CNTN4: variants seen among roughly 807,000 people sequenced by gnomAD.
CNTN4 encodes the protein contactin 4.
A neutral mutation model predicts 122.5 loss-of-function variants in CNTN4; 77 were observed. The ratio of observed to expected loss-of-function variants is 0.63; its 90% confidence interval spans 0.52 to 0.76. The LOEUF (loss-of-function observed/expected upper bound fraction) is 0.76. Among genes scored for constraint, CNTN4 ranks in the 30% least tolerant of loss-of-function variants. The pLI is 0.00. For missense variants in CNTN4, 1,256 were observed against 1,259.1 expected (o/e 1.00, Z 0.04); for synonymous variants, 512 against 447.0 (o/e 1.15, Z -1.83).
At chr3:2,357,829 T>A (rs2150511183) in intron 3 of CNTN4, among the ~76,000 whole-genome samples, 1 of 152,374 alleles carries the variant, frequency 6.6e-6, no homozygotes, top group Non-Finnish European at 1.5e-5. Context: ...TTCTTAATCC[T>A]GTATGTATTT....
chr3:2,106,467 A>T (rs567807966), intron 2 of CNTN4, among the ~76,000 whole-genome samples: 1 of 152,210 alleles, frequency 6.6e-6, no homozygotes, highest in Non-Finnish European at 1.5e-5. Context: ...GCACACCCAC[A>T]GGACGAACAC....
chr3:2,283,255 C>G (rs943224900), intron 2 of CNTN4, among the ~76,000 whole-genome samples: 1 of 152,016 alleles, frequency 6.6e-6, no homozygotes, highest in African/African-American at 2.4e-5. Flanking sequence ...TTATGAAGAG[C>G]ATTGTAAGTC....
chr3:2,892,081 G>T (rs1346540473), intron 10 of CNTN4: 1 of 152,210 alleles, frequency 6.6e-6, no homozygotes, highest in Non-Finnish European at 1.5e-5. Flanking sequence ...GTCCCAAAGA[G>T]ATTAAAGTAA....
At chr3:2,866,575 G>T in intron 7 of CNTN4, 177 bp from the exon 8 acceptor site, 1 of 1,213,986 alleles carries the variant, frequency 8.2e-7, no homozygotes, top group Admixed American at 2.5e-5. Flanking sequence ...ACTGATAGTA[G>T]AAAGGCTGGT....
intron 2 of CNTN4, among the ~76,000 whole-genome samples, chr3:2,250,504 G>C (rs2040334207): frequency 6.6e-6 from 1 of 151,836 alleles, no homozygotes; most frequent in Non-Finnish European, 1.5e-5. Context: ...GACTGTAGTT[G>C]ATAATATATA....
At chr3:2,323,359 C>T (rs1043518606) in intron 2 of CNTN4, among the ~76,000 whole-genome samples, 10 of 152,082 alleles carry the variant, frequency 6.6e-5, no homozygotes, top group Admixed American at 2.6e-4. Flanking sequence ...AACGTTGTTG[C>T]GTGCCATGGT....
chr3:2,319,188 G>A (rs2043202657), intron 2 of CNTN4, among the ~76,000 whole-genome samples: 1 of 151,982 alleles, frequency 6.6e-6, no homozygotes, highest in Admixed American at 6.6e-5. Context: ...TAGGCTTTTA[G>A]CATCATCTCA....
chr3:2,705,993 A>C (rs1292844367), intron 4 of CNTN4, among the ~76,000 whole-genome samples: 2 of 137,660 alleles, frequency 1.5e-5, no homozygotes, highest in Non-Finnish European at 3.1e-5. Context: ...ATATAAAATA[A>C]ATATATAAAA....
chr3:3,024,455 G>A (rs3911919), intron 14 of CNTN4, among the ~76,000 whole-genome samples: 32,022 of 148,178 alleles, frequency 0.22, 3,938 homozygotes, highest in African/African-American at 0.32. Context: ...TCAATATAGC[G>A]GATTTTTATT....
chr3:2,180,007 G>A (rs1011512210), intron 2 of CNTN4, among the ~76,000 whole-genome samples: 3 of 150,836 alleles, frequency 2.0e-5, no homozygotes, highest in Non-Finnish European at 4.4e-5. Flanking sequence ...TCTCAATTCA[G>A]ATGAGCAACA....
intron 3 of CNTN4, among the ~76,000 whole-genome samples, chr3:2,569,746 C>T (rs904130225): frequency 3.3e-5 from 5 of 151,912 alleles, no homozygotes; most frequent in South Asian, 2.1e-4. Flanking sequence ...TGAGATCTCC[C>T]GGTTCCATAA....
chr3:2,686,977 G>A (rs1559387543), intron 4 of CNTN4, among the ~76,000 whole-genome samples: 1 of 152,162 alleles, frequency 6.6e-6, no homozygotes, highest in African/African-American at 2.4e-5. Context: ...AGGAATGAGA[G>A]CCAAGCTAAA....
chr3:2,176,745 A>G (rs916193147), intron 2 of CNTN4, among the ~76,000 whole-genome samples: 4 of 152,144 alleles, frequency 2.6e-5, no homozygotes, highest in Non-Finnish European at 4.4e-5. Context: ...AAGATATTTG[A>G]TATAGCTTAG....
At chr3:2,578,967 A>C (rs549461761) in intron 4 of CNTN4, among the ~76,000 whole-genome samples, 2 of 152,260 alleles carry the variant, frequency 1.3e-5, no homozygotes, top group African/African-American at 2.4e-5. Context: ...ATTTAAGTCC[A>C]TAGTGGGAAA....
chr3:2,402,658 A>C (rs1046702918), intron 3 of CNTN4, among the ~76,000 whole-genome samples: 2 of 151,882 alleles, frequency 1.3e-5, no homozygotes, highest in Non-Finnish European at 2.9e-5. Context: ...TTTTCCTTCT[A>C]TCTGTATTTT....
intron 3 of CNTN4, among the ~76,000 whole-genome samples, chr3:2,539,947 A>AT (rs986864018): frequency 6.6e-6 from 1 of 151,972 alleles, no homozygotes; most frequent in African/African-American, 2.4e-5. Context: ...AGTTATTCCA[A>AT]TTTTTTTCCA....
rs1014314918 is a variant in CNTN4, at chr3:3,043,080, T to C, written c.2615T>C (p.Leu872Pro). The change falls in exon 22 of 25, where the codon CTG (leucine) becomes CCG (proline). Residue 872 changes from leucine (L) to proline (P), a missense_variant. Coordinates refer to ENST00000418658, the MANE Select transcript of CNTN4 (RefSeq NM_175607.3). ...TKITNLKGSV[L>P]YHLAVKAYNS... ...ATCACGAACTTAAAAGGCAGTGTGCTGTATCACTTAGCTGTCAAGGCATAT... is the reference window on the plus strand; with the variant it reads ...ATCACGAACTTAAAAGGCAGTGTGCCGTATCACTTAGCTGTCAAGGCATAT... The C allele has an allele frequency of 3.1e-6, 5 of 1,614,096 alleles. No individual in the cohort carries two copies. In the African/African-American group the frequency reaches 5.3e-5, roughly 17 times the overall value.
At chr3:2,255,178 C>G (rs1445329507) in intron 2 of CNTN4, among the ~76,000 whole-genome samples, 1 of 152,114 alleles carries the variant, frequency 6.6e-6, no homozygotes, top group Non-Finnish European at 1.5e-5. Context: ...TCAGGTTAGT[C>G]AAAGTTCAGC....
At chr3:2,274,361 C>T (rs11129080) in intron 2 of CNTN4, among the ~76,000 whole-genome samples, 80,624 of 151,616 alleles carry the variant, frequency 0.53, 22,162 homozygotes, top group South Asian at 0.68. Flanking sequence ...CCAGCCTGGA[C>T]GACAGAGAGA....
Sources: allele counts gnomAD v4.1 joint callset (sites outside exome capture counted in the v4.1 genomes callset), GRCh38; gene constraint gnomAD v4.1.1; transcripts MANE v1.5; gene names NCBI Gene and HGNC (gene_info 2026-07-23, HGNC 2026-07-21).